C4orf51: variants seen among roughly 807,000 people sequenced by gnomAD.
The protein encoded by C4orf51 is chromosome 4 open reading frame 51.
C4orf51 carries 25 observed loss-of-function variants against 25.2 expected under a neutral mutation model. The ratio of observed to expected loss-of-function variants is 0.99; its 90% confidence interval spans 0.72 to 1.39. C4orf51 has a LOEUF of 1.39. Among genes scored for constraint, C4orf51 ranks in the 40% most tolerant of loss-of-function variants. The pLI, the probability that C4orf51 is intolerant of heterozygous loss-of-function variation, is 0.00. For missense variants in C4orf51, 252 were observed against 239.6 expected, an observed-to-expected ratio of 1.05 and a Z score of -0.34; for synonymous variants, 100 against 84.5, an observed-to-expected ratio of 1.18 and a Z score of -1.01.
intron 2 of C4orf51, among the ~76,000 whole-genome samples, chr4:145,722,356 C>T (rs1446558120): frequency 1.3e-5 from 2 of 152,166 alleles, no homozygotes; most frequent in African/African-American, 4.8e-5. Flanking sequence ...ATCCTAAATA[C>T]TTCTGCATGA....
intron 2 of C4orf51, among the ~76,000 whole-genome samples, chr4:145,708,577 A>G (rs1179991327): frequency 6.6e-6 from 1 of 152,224 alleles, no homozygotes. Flanking sequence ...CCTTGGTCCC[A>G]TCTCATCACA....
Position 145,765,568 on chromosome 4 carries a change from T to C in C4orf51, n.167-5420T>C. On this transcript the variant is annotated intron_variant and non_coding_transcript_variant, in intron 1 of 1. Transcript: ENST00000510096. This position sits in a 1 kb window ranked among gnomAD's most constrained non-coding sequence, Gnocchi z 4.7. ...TTACCTTTCTCTGGCTTTTCCTCAC[T>C]GTTCAGTGAGGGCTGGCTCCCAGGC... 1.9e-6 allele frequency: 3 copies of C among 1,613,512 alleles called. No individual in the cohort carries two copies. Among genetic ancestry groups the C allele is most frequent in the Non-Finnish European group, 2.5e-6 (3 of 1,179,732 alleles).
At chr4:145,687,431 C>T (rs1293310952) in intron 1 of C4orf51, among the ~76,000 whole-genome samples, 1 of 152,216 alleles carries the variant, frequency 6.6e-6, no homozygotes, top group Non-Finnish European at 1.5e-5. Flanking sequence ...CATAGGCACA[C>T]ATCCTTAACC....
At chr4:145,744,561 C>T (rs1459594650) in intron 1 of C4orf51, among the ~76,000 whole-genome samples, 1 of 152,106 alleles carries the variant, frequency 6.6e-6, no homozygotes, top group South Asian at 2.1e-4. Flanking sequence ...GTGGCTCACA[C>T]CTCTAATCCC....
At chr4:145,688,895 C>CAA (rs1159630314) in intron 1 of C4orf51, among the ~76,000 whole-genome samples, 1 of 152,006 alleles carries the variant, frequency 6.6e-6, no homozygotes, top group Non-Finnish European at 1.5e-5. Flanking sequence ...AATAAACAAA[C>CAA]AAACAAACAA....
downstream of C4orf51, among the ~76,000 whole-genome samples, chr4:145,772,051 T>C (rs536112584): frequency 2.0e-5 from 3 of 152,338 alleles, no homozygotes; most frequent in East Asian, 5.8e-4. Flanking sequence ...GAGAATTCAG[T>C]GTGTGCTTTC....
In C4orf51 at chr4:145,732,514, G is replaced by C. The variant is rs370739505; in HGVS notation, c.563G>C (p.Arg188Pro). 19 of 1,611,192 alleles carry C rather than the reference G, an allele frequency of 1.2e-5. No homozygotes were observed. In the South Asian group the frequency reaches 1.6e-4, roughly 13 times the overall value. Reference sequence around the variant, plus strand: ...TCATCTGAGGATTCAGAAGCTGATCGATACTCCGATTATGGCTGGGGAGGA... The same window carrying C: ...TCATCTGAGGATTCAGAAGCTGATCCATACTCCGATTATGGCTGGGGAGGA... ...VCSSEDSEAD[R>P]YSDYGWGGPS... Residue 188 changes from arginine to proline, a missense_variant, in exon 6 of 6, where the codon CGA becomes CCA. Transcript: ENST00000438731.
intron 1 of C4orf51, among the ~76,000 whole-genome samples, chr4:145,687,829 T>C (rs1469767979): frequency 2.0e-5 from 3 of 151,996 alleles, no homozygotes; most frequent in Non-Finnish European, 4.4e-5. Context: ...ACAAAAGTAA[T>C]ACAGGTGGGA....
At chr4:145,769,102 T>C (rs1163296910) in intron 1 of C4orf51, among the ~76,000 whole-genome samples, 1 of 151,578 alleles carries the variant, frequency 6.6e-6, no homozygotes, top group Non-Finnish European at 1.5e-5. Flanking sequence ...CAAATCCTTT[T>C]CCTGTCAGAA....
chr4:145,731,436 A>G (rs1732454039), intron 5 of C4orf51, among the ~76,000 whole-genome samples: 3 of 152,152 alleles, frequency 2.0e-5, no homozygotes, highest in Non-Finnish European at 4.4e-5. Flanking sequence ...ATAACAGACT[A>G]AAAGTACATG....
chr4:145,719,333 T>C (rs1489589786), intron 2 of C4orf51, among the ~76,000 whole-genome samples: 1 of 152,138 alleles, frequency 6.6e-6, no homozygotes, highest in Non-Finnish European at 1.5e-5. Context: ...GGGCCAGGCA[T>C]GGTGGCTCAC....
chr4:145,791,192 G>A, the C4orf51 span, among the ~76,000 whole-genome samples: 1 of 152,186 alleles, frequency 6.6e-6, no homozygotes, highest in Non-Finnish European at 1.5e-5. Context: ...TCAAGGCACT[G>A]GCAGATTCAG....
intron 1 of C4orf51, among the ~76,000 whole-genome samples, chr4:145,738,328 G>T (rs1451378598): frequency 6.6e-6 from 1 of 151,814 alleles, no homozygotes; most frequent in Non-Finnish European, 1.5e-5. Flanking sequence ...CAGGCACCTG[G>T]AATCCCAGCT....
chr4:145,742,869 T>G (rs984354369), intron 1 of C4orf51, among the ~76,000 whole-genome samples: 1 of 152,148 alleles, frequency 6.6e-6, no homozygotes, highest in African/African-American at 2.4e-5. Context: ...AGGAAACTAT[T>G]GTGATCCACC....
chr4:145,790,693 C>T, the C4orf51 span, among the ~76,000 whole-genome samples: 1 of 152,160 alleles, frequency 6.6e-6, no homozygotes, highest in African/African-American at 2.4e-5. Context: ...TCAATCATTC[C>T]TTTAAAGATT....
chr4:145,691,974 A>ATCACACAATATATTAAT (rs1480687708), intron 1 of C4orf51, among the ~76,000 whole-genome samples: 1 of 152,152 alleles, frequency 6.6e-6, no homozygotes, highest in African/African-American at 2.4e-5. Context: ...TCTGATATAC[A>ATCACACAATATATTAAT]GCTGATAGGA....
chr4:145,742,532 GTTTTTTTTTTTTTTT>G (rs141147414), intron 1 of C4orf51, among the ~76,000 whole-genome samples: 27,387 of 106,030 alleles, frequency 0.26, 3,769 homozygotes, highest in East Asian at 0.71. Context: ...TCTTTTTCTT[GTTTTTTTTTTTTTTT>G]TTTTTTTTTT....
At chr4:145,777,502 C>G in the C4orf51 span, among the ~76,000 whole-genome samples, 1 of 152,166 alleles carries the variant, frequency 6.6e-6, no homozygotes, top group Admixed American at 6.5e-5. Context: ...GTTCCCTCCC[C>G]ACTTTGGGTC....
chr4:145,740,116 T>C (rs540338136), intron 1 of C4orf51, among the ~76,000 whole-genome samples: 17 of 151,836 alleles, frequency 1.1e-4, no homozygotes, highest in Middle Eastern at 3.4e-3. Context: ...TTTCTTAGAG[T>C]TGCCATCAGC....
Sources: allele counts gnomAD v4.1 joint callset (sites outside exome capture counted in the v4.1 genomes callset), GRCh38; gene constraint gnomAD v4.1.1; non-coding constraint Gnocchi (gnomAD v3.1); transcripts MANE v1.5; gene names NCBI Gene and HGNC (gene_info 2026-07-23, HGNC 2026-07-21).